SLC46A3: variants seen among roughly 807,000 people sequenced by gnomAD.
The protein encoded by SLC46A3 is solute carrier family 46 member 3.
A neutral mutation model predicts 38.5 loss-of-function variants in SLC46A3; 26 were observed. That is an observed-to-expected ratio of 0.68 (90% CI 0.49 to 0.94). The LOEUF is 0.94. Ranked by LOEUF, SLC46A3 falls within the 40% of genes least tolerant of loss-of-function variation. SLC46A3 has a pLI of 0.00. For synonymous variants in SLC46A3, 185 were observed against 192.5 expected (o/e 0.96, Z 0.32); for missense variants, 510 against 544.3 (o/e 0.94, Z 0.63).
intron 2 of SLC46A3, among the ~76,000 whole-genome samples, chr13:28,714,919 T>G (rs1035194458): frequency 2.6e-5 from 4 of 152,220 alleles, no homozygotes; most frequent in Non-Finnish European, 5.9e-5. Context: ...TTTTGCATGA[T>G]CTTAAAACAT....
At chr13:28,708,762 C>A (rs1885254664) in intron 4 of SLC46A3, among the ~76,000 whole-genome samples, 1 of 151,856 alleles carries the variant, frequency 6.6e-6, no homozygotes, top group South Asian at 2.1e-4. Context: ...CGCCTGGCCT[C>A]ACTTTCTTGA....
chr13:28,704,018 G>T lies in SLC46A3; in HGVS notation c.1226C>A (p.Ala409Asp). 1.2e-6 allele frequency: 2 copies of T among 1,613,682 alleles called. No homozygotes were observed. Among genetic ancestry groups the T allele is most frequent in the Non-Finnish European group, 1.7e-6 (2 of 1,179,746 alleles). The change falls in exon 5 of 6, where the codon GCC (alanine) becomes GAC (aspartate). Residue 409 changes from alanine (A) to aspartate (D), a missense_variant. Coordinates refer to ENST00000266943, the MANE Select transcript of SLC46A3 (RefSeq NM_181785.4). Reference sequence around the variant, plus strand: ...GAAGCCAGGGTACCAAGCAACAGTGGCTGAGTAAATTCCATTAAAAGTAGA... The same window carrying T: ...GAAGCCAGGGTACCAAGCAACAGTGTCTGAGTAAATTCCATTAAAAGTAGA... The part of the protein sequence containing the change: ...AVSTFNGIYS[A>D]TVAWYPGFTF...
chr13:28,709,076 C>T (rs1885265073), intron 4 of SLC46A3, among the ~76,000 whole-genome samples: 1 of 151,922 alleles, frequency 6.6e-6, no homozygotes, highest in Non-Finnish European at 1.5e-5. Flanking sequence ...AATCCCAGCA[C>T]TTTGGGAGGC....
chr13:28,713,632 T>A, intron 2 of SLC46A3, 82 bp from the exon 3 acceptor site: 1 of 1,380,498 alleles, frequency 7.2e-7, no homozygotes, highest in East Asian at 2.4e-5. Flanking sequence ...ATATGCTTTT[T>A]TCCCTGTGGC....
chr13:28,712,739 G>A lies in SLC46A3; in HGVS notation c.1001C>T (p.Thr334Ile), dbSNP rs770903914. 11 of 1,609,220 alleles carry A rather than the reference G, an allele frequency of 6.8e-6. No individual in the cohort carries two copies. The Admixed American group carries it at 1.7e-4, about 25-fold the overall frequency. The part of the protein sequence containing the change: ...DIHMAFIGIF[T>I]TMTGMAMTAF... ...GGTCATAGCCATTCCTGTCATCGTG[G>A]TAAAAATCCCAATGAAGGCCATATG... Residue 334 changes from threonine to isoleucine, a missense_variant, in exon 3 of 6, where the codon ACC (threonine) becomes ATC (isoleucine). Thr to Ile is a moderately conservative substitution (Grantham distance 89). Transcript: ENST00000266943.
At chr13:28,709,228 A>C (rs1885270668) in intron 4 of SLC46A3, among the ~76,000 whole-genome samples, 1 of 151,710 alleles carries the variant, frequency 6.6e-6, no homozygotes, top group Non-Finnish European at 1.5e-5. Flanking sequence ...AGGCTGAGGC[A>C]GGAGAATTGC....
chr13:28,718,212 G>A (rs991003818), intron 1 of SLC46A3, among the ~76,000 whole-genome samples, 190 bp from the exon 2 acceptor site: 1 of 152,146 alleles, frequency 6.6e-6, no homozygotes, highest in Non-Finnish European at 1.5e-5. Flanking sequence ...ACAACCTGAG[G>A]CTGCCATGCT....
chr13:28,714,193 A>ATT (rs77683201), intron 2 of SLC46A3, among the ~76,000 whole-genome samples: 44 of 143,880 alleles, frequency 3.1e-4, no homozygotes, highest in South Asian at 6.5e-4. Context: ...TGTTGCCCTT[A>ATT]TTTTTTTTTT....
At position 28,713,261 on chromosome 13, in the gene SLC46A3, T is replaced by G; in HGVS notation, c.479A>C (p.Lys160Thr). The G allele has an allele frequency of 6.2e-7, 1 of 1,614,000 alleles. No individual in the cohort carries two copies. Among genetic ancestry groups the G allele is most frequent in the Non-Finnish European group, 8.5e-7 (1 of 1,180,028 alleles). Residue 160 changes from lysine (K) to threonine (T), a missense_variant, in exon 3 of 6, where the codon AAA becomes ACA. Transcript: ENST00000266943. ...TCGAATTGTTTTTTGTTTGTGTTCT[T>G]TACACTGATCAACTATATAGGCAAA... is the stretch of plus-strand genomic sequence containing the variant. Reference protein sequence around the residue: ...ACFAYIVDQCKEHKQKTIRIA... With the variant: ...ACFAYIVDQCTEHKQKTIRIA...
chr13:28,701,081 A>G lies in SLC46A3; in HGVS notation c.*416T>C. 6.8e-7 allele frequency: 1 copy of G among 1,474,460 alleles called. No homozygotes were observed. Among genetic ancestry groups the G allele is most frequent in the Non-Finnish European group, 9.0e-7 (1 of 1,111,308 alleles). 91.3% of individuals were successfully genotyped at this position (1,474,460 alleles called of 1,614,324 possible). On this transcript the variant is annotated 3_prime_UTR_variant, in exon 6 of 6. Transcript: ENST00000266943. ...ATGCCTTCAAAATTATCCCTGAGAG[A>G]GGCCAGAAACCCATTCTGCTGATGA...
chr13:28,711,704 T>C (rs1296165701), intron 3 of SLC46A3, among the ~76,000 whole-genome samples: 1 of 152,236 alleles, frequency 6.6e-6, no homozygotes, highest in Non-Finnish European at 1.5e-5. Context: ...TTTAATTACA[T>C]CATAAAATAG....
chr13:28,703,503 C>T (rs919080304), intron 5 of SLC46A3, among the ~76,000 whole-genome samples: 104 of 152,106 alleles, frequency 6.8e-4, no homozygotes, highest in Non-Finnish European at 5.9e-4. Context: ...CTTCCTAAGT[C>T]TCCCCAAATT....
Position 28,709,512 on chromosome 13 carries a change from T to C in SLC46A3, c.1144+1248A>G, listed in dbSNP as rs372853795. ...CATTAAAGAAAGTGCCAATGTCTAATAAGATTCATATGATACAAAAGGGAA... is the reference window on the plus strand; with the variant it reads ...CATTAAAGAAAGTGCCAATGTCTAACAAGATTCATATGATACAAAAGGGAA... On this transcript the variant is annotated intron_variant, in intron 4 of 5. Transcript: ENST00000266943. Among the ~76,000 whole-genome samples the C allele has an allele frequency of 5.5e-4, 84 of 152,338 alleles. 1 individual carries two copies. In the South Asian group the frequency reaches 0.017, roughly 31 times the overall value.
chr13:28,703,405 G>C (rs954502125), intron 5 of SLC46A3, among the ~76,000 whole-genome samples: 1 of 152,146 alleles, frequency 6.6e-6, no homozygotes, highest in African/African-American at 2.4e-5. Context: ...TCTAATTTTA[G>C]ATGCTAATTT....
Position 28,701,073 on chromosome 13 carries a change from C to A in SLC46A3, c.*424G>T. Reference sequence around the variant, plus strand: ...TTTTCATTATGCCTTCAAAATTATCCCTGAGAGAGGCCAGAAACCCATTCT... The same window carrying A: ...TTTTCATTATGCCTTCAAAATTATCACTGAGAGAGGCCAGAAACCCATTCT... On this transcript the variant is annotated 3_prime_UTR_variant, in exon 6 of 6. Coordinates refer to ENST00000266943, the MANE Select transcript of SLC46A3 (RefSeq NM_181785.4). The A allele has an allele frequency of 6.8e-7, 1 of 1,477,656 alleles. No individual in the cohort carries two copies. Among genetic ancestry groups the A allele is most frequent in the Non-Finnish European group, 9.0e-7 (1 of 1,112,558 alleles). The allele number at this position is 1,477,656 out of a possible 1,614,324, so 91.5% of individuals were successfully genotyped here. A position where few individuals can be genotyped will look rare whatever the true frequency, so the allele number is the denominator to read the frequency against.
intron 3 of SLC46A3, 60 bp from the exon 4 acceptor site, chr13:28,710,903 A>G: frequency 8.3e-7 from 1 of 1,205,782 alleles, no homozygotes; most frequent in Non-Finnish European, 1.2e-6. Context: ...CCAATTTAAA[A>G]TAGGAAACAC....
In SLC46A3 at chr13:28,713,070, C is replaced by G; in HGVS notation, c.670G>C (p.Glu224Gln). ...ATAGTAACATTCTGAGATGAACACTCTTTCACTGGATCTCCGAGAAAAAAT... is the reference window on the plus strand; with the variant it reads ...ATAGTAACATTCTGAGATGAACACTGTTTCACTGGATCTCCGAGAAAAAAT... Reference protein sequence around the residue: ...ILFFLGDPVKECSSQNVTMSC... With the variant: ...ILFFLGDPVKQCSSQNVTMSC... Residue 224 changes from glutamate (E) to glutamine (Q), a missense_variant, in exon 3 of 6, where the codon GAG becomes CAG. Physicochemically the swap from Glu to Gln is conservative, Grantham distance 29. Transcript: ENST00000266943. The G allele has an allele frequency of 6.2e-7, 1 of 1,611,280 alleles. No individual in the cohort carries two copies. The highest frequency in any genetic ancestry group is 8.5e-7 in the Non-Finnish European group (1 of 1,179,520).
At chr13:28,702,442 G>A (rs2137818738) in intron 5 of SLC46A3, among the ~76,000 whole-genome samples, 1 of 152,170 alleles carries the variant, frequency 6.6e-6, no homozygotes, top group East Asian at 1.9e-4. Flanking sequence ...TATTTGTTTA[G>A]AGTATGTTTC....
At chr13:28,705,210 C>T (rs1279664267) in intron 4 of SLC46A3, among the ~76,000 whole-genome samples, 1 of 152,190 alleles carries the variant, frequency 6.6e-6, no homozygotes, top group Admixed American at 6.5e-5. Context: ...ATGCTTGTTC[C>T]CTACTTTGCC....
Sources: allele counts gnomAD v4.1 joint callset (sites outside exome capture counted in the v4.1 genomes callset), GRCh38; gene constraint gnomAD v4.1.1; transcripts MANE v1.5; gene names NCBI Gene and HGNC (gene_info 2026-07-23, HGNC 2026-07-21).